RUVBL1: variants seen among roughly 807,000 people sequenced by gnomAD.
The protein encoded by RUVBL1 is RuvB like AAA ATPase 1, also known as ruvB-like 1.
RUVBL1 carries 4 observed loss-of-function variants against 52.4 expected under a neutral mutation model. The ratio of observed to expected loss-of-function variants is 0.08; its 90% confidence interval spans 0.04 to 0.17. The LOEUF is 0.17. RUVBL1 is among the 10% of genes least tolerant of loss of function. The pLI, the probability that RUVBL1 is intolerant of heterozygous loss-of-function variation, is 1.00. For synonymous variants in RUVBL1, 217 were observed against 214.4 expected (o/e 1.01, Z -0.10); for missense variants, 298 against 572.8 (o/e 0.52, Z 4.90).
chr3:128,111,757 G>T (rs1943401474), intron 3 of RUVBL1, among the ~76,000 whole-genome samples: 1 of 152,154 alleles, frequency 6.6e-6, no homozygotes, highest in Non-Finnish European at 1.5e-5. Flanking sequence ...CTCCGAAACT[G>T]AACTTTTTCA....
Position 128,123,707 on chromosome 3 carries a change from C to T in RUVBL1, c.18G>A (p.Val6=). MKIEE[V]KSTTKTQRIA... is the part of the protein sequence containing the mutation. ...TGCGCTGCGTCTTCGTAGTGCTCTT[C>T]ACCTCCTCAATCTTCATTTTGCAGA... is the stretch of plus-strand genomic sequence containing the variant. Residue 6 remains valine, a synonymous_variant, in exon 1 of 11, where the codon GTG becomes GTA. Coordinates refer to ENST00000322623, the MANE Select transcript of RUVBL1 (RefSeq NM_003707.3). 6.2e-7 allele frequency: 1 copy of T among 1,606,940 alleles called. No homozygotes were observed. Among genetic ancestry groups the T allele is most frequent in the Non-Finnish European group, 8.5e-7 (1 of 1,175,638 alleles).
chr3:128,150,834 A>G (rs1329698257), intron 1 of RUVBL1, among the ~76,000 whole-genome samples: 17 of 88,954 alleles, frequency 1.9e-4, no homozygotes, highest in African/African-American at 7.8e-4. Context: ...TATATATTAT[A>G]TATTCTATAT....
At chr3:128,128,117 C>T (rs1028690999), upstream of RUVBL1, among the ~76,000 whole-genome samples, 12 of 152,024 alleles carry the variant, frequency 7.9e-5, no homozygotes, top group African/African-American at 1.7e-4. Context: ...CTCAGCCTCC[C>T]GAGTAGCTGG....
intron 8 of RUVBL1, among the ~76,000 whole-genome samples, chr3:128,095,614 G>T (rs11714052): frequency 6.6e-6 from 1 of 152,156 alleles, no homozygotes; most frequent in Admixed American, 6.5e-5. Context: ...TCACGCATTC[G>T]ATTCCTAATT....
At chr3:128,079,945 A>T (rs1327363658), downstream of RUVBL1, among the ~76,000 whole-genome samples, 5 of 152,228 alleles carry the variant, frequency 3.3e-5, no homozygotes, top group East Asian at 9.6e-4. Context: ...TAGCACAAGG[A>T]GCAAGTGCTG....
In RUVBL1 at chr3:128,138,765, A is replaced by G. The variant is rs548188380; in HGVS notation, c.-40+14438T>C. Among the ~76,000 whole-genome samples, 454 of 152,314 alleles carry G rather than the reference A, an allele frequency of 3.0e-3. 7 individuals carry two copies. The highest frequency in any genetic ancestry group is 0.011 in the African/African-American group (442 of 41,574). ...CAAAGCCATCCTGAGCAAAAAGAAC[A>G]AAACTGTAGCAATCACATAACCTGA... On this transcript the variant is annotated intron_variant, in intron 1 of 9. Coordinates refer to the RUVBL1 transcript ENST00000464873.
chr3:128,112,614 A>T (rs896756565), intron 3 of RUVBL1, among the ~76,000 whole-genome samples: 3 of 152,118 alleles, frequency 2.0e-5, no homozygotes, highest in African/African-American at 7.2e-5. Flanking sequence ...GGAAAATATG[A>T]CTCATTAAAA....
chr3:128,140,208 TGATAC>T (rs1367407500), intron 1 of RUVBL1, among the ~76,000 whole-genome samples: 1 of 100,264 alleles, frequency 1.0e-5, no homozygotes, highest in Non-Finnish European at 2.1e-5. Context: ...CAATATGATA[TGATAC>T]AAGTTTTTTT....
At chr3:128,064,982 A>G (rs1375999485) in exon 10 of RUVBL1, 3 of 1,614,144 alleles carry the variant, frequency 1.9e-6, no homozygotes, top group South Asian at 1.1e-5. Context: ...AATCTTCCCA[A>G]CCTCATGAAT....
At chr3:128,116,476 C>T (rs1189686940) in intron 2 of RUVBL1, among the ~76,000 whole-genome samples, 1 of 151,040 alleles carries the variant, frequency 6.6e-6, no homozygotes, top group Non-Finnish European at 1.5e-5. Context: ...TTGCAGTGAG[C>T]CAAGATCACG....
chr3:128,067,278 C>T lies in RUVBL1; in HGVS notation c.940-2058G>A. 7.8e-7 allele frequency: 1 copy of T among 1,289,874 alleles called. No homozygotes were observed. The highest frequency in any genetic ancestry group is 1.4e-5 in the South Asian group (1 of 72,442). 79.9% of individuals were successfully genotyped at this position (1,289,874 alleles called of 1,614,324 possible). Reference sequence around the variant, plus strand: ...CATTGTGCCTTTTACAAATTCAGCACATTAAATTATCTTTTCAGTAAAAAA... The same window carrying T: ...CATTGTGCCTTTTACAAATTCAGCATATTAAATTATCTTTTCAGTAAAAAA... On this transcript the variant is annotated intron_variant, in intron 9 of 9. Transcript: ENST00000464873. This position sits in a 1 kb window ranked among gnomAD's most constrained non-coding sequence, Gnocchi z 4.1.
intron 1 of RUVBL1, among the ~76,000 whole-genome samples, chr3:128,148,324 A>G (rs1251855384): frequency 6.6e-6 from 1 of 152,142 alleles, no homozygotes; most frequent in African/African-American, 2.4e-5. Context: ...TAAGGGTAAA[A>G]CCAACAGAAT....
At chr3:128,130,629 GTATTTATTTATT>G (rs900117784) in intron 1 of RUVBL1, among the ~76,000 whole-genome samples, 17 of 21,870 alleles carry the variant, frequency 7.8e-4, no homozygotes, top group Non-Finnish European at 2.1e-3. Context: ...ATTTATTTAT[GTATTTATTTATT>G]TATTTATTTA....
intron 1 of RUVBL1, among the ~76,000 whole-genome samples, chr3:128,122,495 G>A (rs1041065699): frequency 1.3e-5 from 2 of 152,224 alleles, no homozygotes; most frequent in Non-Finnish European, 2.9e-5. Context: ...TTAGCACAGT[G>A]CTTGGCACAT....
intron 9 of RUVBL1, among the ~76,000 whole-genome samples, chr3:128,074,140 A>G (rs998075287): frequency 2.6e-5 from 4 of 152,236 alleles, no homozygotes; most frequent in Admixed American, 2.6e-4. Context: ...ATATGCCTAT[A>G]CAAAGACTTG....
chr3:128,073,351 G>A (rs963641608), intron 9 of RUVBL1, among the ~76,000 whole-genome samples: 21 of 152,012 alleles, frequency 1.4e-4, no homozygotes, highest in Admixed American at 4.6e-4. Flanking sequence ...CCCATACCCC[G>A]CCCCCAGCCT....
intron 1 of RUVBL1, among the ~76,000 whole-genome samples, chr3:128,120,921 C>A (rs2107717314): frequency 6.6e-6 from 1 of 150,554 alleles, no homozygotes; most frequent in South Asian, 2.1e-4. Flanking sequence ...GCGGAGCTTG[C>A]AGTGAACCGA....
rs1245953661 is a variant in RUVBL1 at position 128,082,232 on chromosome 3, A to C, written c.1211+251T>G. 2.5e-5 allele frequency: 12 copies of C among 471,660 alleles called. No individual in the cohort carries two copies. The highest frequency in any genetic ancestry group is 4.6e-5 in the Non-Finnish European group (12 of 261,418). The allele number at this position is 471,660 out of a possible 1,614,324, so 29.2% of individuals were successfully genotyped here. A position where few individuals can be genotyped will look rare whatever the true frequency, so the allele number is the denominator to read the frequency against. On this transcript the variant is annotated intron_variant, in intron 10 of 10. Coordinates refer to ENST00000322623, the MANE Select transcript of RUVBL1 (RefSeq NM_003707.3). This position sits in a 1 kb window ranked among gnomAD's most constrained non-coding sequence, Gnocchi z 4.7. ...CTGCCACAAGAAGGCCCAGGGTCAA[A>C]GCACTCTCCACCAGAGGGGAGCATC...
intron 8 of RUVBL1, among the ~76,000 whole-genome samples, chr3:128,094,737 G>A (rs1341994233): frequency 2.6e-5 from 4 of 152,292 alleles, no homozygotes; most frequent in African/African-American, 7.2e-5. Context: ...CCCTCAGTTA[G>A]TCACCTCCCT....
Sources: allele counts gnomAD v4.1 joint callset (sites outside exome capture counted in the v4.1 genomes callset), GRCh38; gene constraint gnomAD v4.1.1; non-coding constraint Gnocchi (gnomAD v3.1); transcripts MANE v1.5; gene names NCBI Gene and HGNC (gene_info 2026-07-23, HGNC 2026-07-21).